Variants in SPSB1 observed in about 807,000 individuals in gnomAD.
SPSB1 encodes SPRY domain-containing SOCS box protein 1.
In SPSB1, 8 loss-of-function variants were observed where a neutral mutation model predicts 21.2. The observed-to-expected ratio is 0.38, with a 90% CI of 0.22 to 0.68. The LOEUF is 0.68. SPSB1 is among the 30% of genes least tolerant of loss of function. The pLI is 0.53. For synonymous variants in SPSB1, 169 were observed against 161.7 expected (o/e 1.05, Z -0.34); for missense variants, 242 against 377.8 (o/e 0.64, Z 2.98).
chr1:9,362,021 T>C (rs1057232795), intron 2 of SPSB1, among the ~76,000 whole-genome samples: 1 of 152,202 alleles, frequency 6.6e-6, no homozygotes, highest in Admixed American at 6.5e-5. Flanking sequence ...CCAGATGGGT[T>C]TGGTGTGGTT....
chr1:9,320,877 G>A (rs376958125), intron 1 of SPSB1, among the ~76,000 whole-genome samples: 89 of 104,976 alleles, frequency 8.5e-4, no homozygotes, highest in African/African-American at 4.3e-3. Flanking sequence ...GTTAGAGTGA[G>A]CTCTGGCCAC....
chr1:9,324,563 G>A lies in SPSB1; in HGVS notation c.-149-31180G>A, dbSNP rs768986685. ...AAACCAGCTTGGGTGGGGAGGGGGA[G>A]TCAAGACAAAAGCCTGGTTGTGCCC... On this transcript the variant is annotated intron_variant, in intron 1 of 2. Transcript: ENST00000328089. The surrounding 1 kb of genome is among the most constrained non-coding windows in gnomAD (Gnocchi z 4.3). Among the ~76,000 whole-genome samples, 5 of 152,188 alleles carry A rather than the reference G, an allele frequency of 3.3e-5. No homozygotes were observed. Among genetic ancestry groups the A allele is most frequent in the African/African-American group, 4.8e-5 (2 of 41,448 alleles).
intron 1 of SPSB1, among the ~76,000 whole-genome samples, chr1:9,304,816 G>C (rs1322547891): frequency 6.6e-6 from 1 of 152,082 alleles, no homozygotes; most frequent in Non-Finnish European, 1.5e-5. Context: ...GGGACTATCG[G>C]TGCACACCAC....
intron 1 of SPSB1, among the ~76,000 whole-genome samples, chr1:9,306,426 C>A (rs1294042): frequency 6.6e-6 from 1 of 151,886 alleles, no homozygotes; most frequent in Non-Finnish European, 1.5e-5. Flanking sequence ...GTGCATGGAC[C>A]GGGGTCTGTC....
Position 9,293,984 on chromosome 1 carries a change from G to T in SPSB1, c.-150+913G>T, listed in dbSNP as rs1312026432. ...TATTTATGTGCCTCTGAGTGTGTGT[G>T]TGAGTCTGTGTGTCTGTCAATGTGT... is the stretch of plus-strand genomic sequence containing the variant. On this transcript the variant is annotated intron_variant, in intron 1 of 2. Coordinates refer to ENST00000328089, the MANE Select transcript of SPSB1 (RefSeq NM_025106.4). This position sits in a 1 kb window ranked among gnomAD's most constrained non-coding sequence, Gnocchi z 5.1. Among the ~76,000 whole-genome samples, 1 of 152,014 alleles carries T rather than the reference G, an allele frequency of 6.6e-6. No homozygotes were observed. Among genetic ancestry groups the T allele is most frequent in the Non-Finnish European group, 1.5e-5 (1 of 68,020 alleles).
At chr1:9,325,112 G>A (rs1030290114) in intron 1 of SPSB1, among the ~76,000 whole-genome samples, 7 of 152,332 alleles carry the variant, frequency 4.6e-5, no homozygotes, top group African/African-American at 1.7e-4. Flanking sequence ...ACGTGGAGTT[G>A]GATGAAGCTT....
chr1:9,316,563 G>C (rs75946798), intron 1 of SPSB1, among the ~76,000 whole-genome samples: 100 of 152,226 alleles, frequency 6.6e-4, no homozygotes, highest in East Asian at 3.7e-3. Context: ...AGGAGGGGGG[G>C]GCTGATCGAA....
At chr1:9,364,392 T>TG (rs1640523821) in intron 2 of SPSB1, among the ~76,000 whole-genome samples, 1 of 152,230 alleles carries the variant, frequency 6.6e-6, no homozygotes, top group African/African-American at 2.4e-5. Flanking sequence ...CATGGGACTT[T>TG]GGGGAGAATC....
chr1:9,304,365 A>G (rs1639379666), intron 1 of SPSB1, among the ~76,000 whole-genome samples: 5 of 152,202 alleles, frequency 3.3e-5, no homozygotes, highest in Admixed American at 3.3e-4. Flanking sequence ...CCGATGAGCC[A>G]GTTCCCCTAA....
intron 1 of SPSB1, among the ~76,000 whole-genome samples, chr1:9,328,906 G>T (rs1639869038): frequency 6.6e-6 from 1 of 152,196 alleles, no homozygotes; most frequent in Non-Finnish European, 1.5e-5. Context: ...CAACTTGTGA[G>T]CCCCACATGT....
intron 1 of SPSB1, among the ~76,000 whole-genome samples, chr1:9,350,869 G>A (rs1436721190): frequency 1.3e-5 from 2 of 152,212 alleles, no homozygotes; most frequent in African/African-American, 4.8e-5. Flanking sequence ...AGTGGGGGTG[G>A]TCCCAGAGCT....
Position 9,356,406 on chromosome 1 carries a change from T to C in SPSB1, c.515T>C (p.Ile172Thr). The C allele has an allele frequency of 1.2e-6, 2 of 1,614,142 alleles. No homozygotes were observed. Among genetic ancestry groups the C allele is most frequent in the East Asian group, 4.5e-5 (2 of 44,886 alleles). The stretch of plus-strand genomic sequence containing the variant: ...TTTCTGGAACCAGATGAGACATTCA[T>C]TGTCCCTGACTCCTTCCTGGTAGCC... ...PAFLEPDETFIVPDSFLVALD... is the reference protein window; with the variant it reads ...PAFLEPDETFTVPDSFLVALD... Residue 172 changes from isoleucine (I) to threonine (T), a missense_variant, in exon 2 of 3, where the codon ATT (isoleucine) becomes ACT (threonine). Coordinates refer to ENST00000328089, the MANE Select transcript of SPSB1 (RefSeq NM_025106.4). This position sits in a 1 kb window ranked among gnomAD's most constrained non-coding sequence, Gnocchi z 7.4.
chr1:9,328,826 T>C (rs972997390), intron 1 of SPSB1, among the ~76,000 whole-genome samples: 15 of 152,238 alleles, frequency 9.9e-5, no homozygotes, highest in African/African-American at 1.9e-4. Context: ...GAATTGTTGA[T>C]GTGAGGCTTG....
chr1:9,354,417 C>A (rs1421213609), intron 1 of SPSB1, among the ~76,000 whole-genome samples: 1 of 152,140 alleles, frequency 6.6e-6, no homozygotes, highest in Non-Finnish European at 1.5e-5. Flanking sequence ...AGGAGCCTGA[C>A]CCCAAACCAG....
chr1:9,322,685 C>T (rs549623292), intron 1 of SPSB1, among the ~76,000 whole-genome samples: 2 of 152,138 alleles, frequency 1.3e-5, no homozygotes, highest in Admixed American at 6.5e-5. Flanking sequence ...CCTGCAGGTT[C>T]CACTGTGGCT....
At chr1:9,352,570 C>T (rs1396741489) in intron 1 of SPSB1, among the ~76,000 whole-genome samples, 1 of 152,180 alleles carries the variant, frequency 6.6e-6, no homozygotes, top group Non-Finnish European at 1.5e-5. Context: ...TCAGAAAAAG[C>T]TGATCTCCGG....
rs1292628777 is a variant in SPSB1, at chr1:9,367,957, G to A, written c.*382G>A. ...ACCTGGGGGTCCCAGGGTGGTGGGG[G>A]TGGCAGGTGGTACCACAGCTCTGAG... On this transcript the variant is annotated 3_prime_UTR_variant, in exon 3 of 3. Coordinates refer to ENST00000328089, the MANE Select transcript of SPSB1 (RefSeq NM_025106.4). This position sits in a 1 kb window ranked among gnomAD's most constrained non-coding sequence, Gnocchi z 5.9. 4.9e-6 allele frequency: 1 copy of A among 203,532 alleles called. No homozygotes were observed. The highest frequency in any genetic ancestry group is 1.0e-5 in the Non-Finnish European group (1 of 98,874). The allele number at this position is 203,532 out of a possible 1,614,324, so 12.6% of individuals were successfully genotyped here. A position where few individuals can be genotyped will look rare whatever the true frequency, so the allele number is the denominator to read the frequency against.
intron 1 of SPSB1, among the ~76,000 whole-genome samples, chr1:9,331,324 T>TG (rs1201415990): frequency 8.8e-6 from 1 of 113,776 alleles, no homozygotes; most frequent in Non-Finnish European, 1.8e-5. Context: ...TGCTCTTGTT[T>TG]TTTTTTTTTT....
chr1:9,315,098 A>T (rs940199777), intron 1 of SPSB1, among the ~76,000 whole-genome samples: 2 of 152,198 alleles, frequency 1.3e-5, no homozygotes, highest in African/African-American at 2.4e-5. Flanking sequence ...TTGTGGGATG[A>T]ATCTCCCCTC....
Sources: allele counts gnomAD v4.1 joint callset (sites outside exome capture counted in the v4.1 genomes callset), GRCh38; gene constraint gnomAD v4.1.1; non-coding constraint Gnocchi (gnomAD v3.1); transcripts MANE v1.5; gene names NCBI Gene and HGNC (gene_info 2026-07-23, HGNC 2026-07-21).